The following MICAL2 variants were observed in gnomAD, a reference collection of about 807,000 sequenced individuals.
The protein encoded by MICAL2 is microtubule associated monooxygenase, calponin and LIM domain containing 2.
In MICAL2, 77 loss-of-function variants were observed where a neutral mutation model predicts 127.3. The ratio of observed to expected loss-of-function variants is 0.60; its 90% confidence interval spans 0.50 to 0.73. The LOEUF (loss-of-function observed/expected upper bound fraction) is 0.73, where lower values mean the gene tolerates loss of function less well. MICAL2 is among the 30% of genes least tolerant of loss of function. The pLI is 0.00. For missense variants in MICAL2, 1,351 were observed against 1,434.4 expected (o/e 0.94, Z 0.94); for synonymous variants, 570 against 551.1 (o/e 1.03, Z -0.48).
intron 3 of MICAL2, among the ~76,000 whole-genome samples, chr11:12,203,821 C>T (rs984076160): frequency 2.6e-5 from 4 of 152,136 alleles, no homozygotes; most frequent in Non-Finnish European, 1.5e-5. Flanking sequence ...ATATCTAAGA[C>T]ACTATTACCT....
At chr11:12,311,293 CTG>C (rs113678951) in intron 29 of MICAL2, among the ~76,000 whole-genome samples, 258 of 152,170 alleles carry the variant, frequency 1.7e-3, no homozygotes, top group African/African-American at 5.9e-3. Context: ...TTATGTATCA[CTG>C]TATTGAATTT....
At chr11:12,288,152 C>A (rs1457732408), downstream of MICAL2, among the ~76,000 whole-genome samples, 3 of 152,320 alleles carry the variant, frequency 2.0e-5, no homozygotes, top group Non-Finnish European at 2.9e-5. Flanking sequence ...CTTGGGCAGG[C>A]CACTTCATCT....
chr11:12,181,364 G>A (rs7926135), intron 3 of MICAL2, among the ~76,000 whole-genome samples: 3,376 of 152,272 alleles, frequency 0.022, 140 homozygotes, highest in African/African-American at 0.077. Context: ...AGAAATTCTC[G>A]ATTAAAGTCC....
chr11:12,336,457 C>T (rs1590743169), intron 32 of MICAL2, among the ~76,000 whole-genome samples: 1 of 152,162 alleles, frequency 6.6e-6, no homozygotes, highest in South Asian at 2.1e-4. Flanking sequence ...CTTCTCCTGC[C>T]TGATTGCCCT....
chr11:12,329,397 A>G (rs1262942300), intron 32 of MICAL2, among the ~76,000 whole-genome samples: 2 of 152,160 alleles, frequency 1.3e-5, no homozygotes, highest in Admixed American at 6.5e-5. Context: ...CAGTGAGAGC[A>G]TTAGAAAAGA....
chr11:12,198,784 A>G (rs1338033351), intron 3 of MICAL2, among the ~76,000 whole-genome samples: 1 of 152,188 alleles, frequency 6.6e-6, no homozygotes, highest in Non-Finnish European at 1.5e-5. Flanking sequence ...TCCAAGCCCA[A>G]ACTCCCACTG....
At chr11:12,281,814 G>C (rs562588959) in intron 2 of MICAL2, among the ~76,000 whole-genome samples, 23 of 152,198 alleles carry the variant, frequency 1.5e-4, no homozygotes, top group Non-Finnish European at 2.9e-4. Context: ...AGAGGTAGCT[G>C]TCTTTAGCAG....
intron 26 of MICAL2, chr11:12,262,172 T>C (rs1214455775): frequency 7.9e-7 from 1 of 1,263,198 alleles, no homozygotes; most frequent in Non-Finnish European, 1.0e-6. Context: ...TGAATGCCTC[T>C]AGGCCTCCGC....
chr11:12,233,527 G>A (rs1037321599), intron 15 of MICAL2, among the ~76,000 whole-genome samples: 4 of 152,174 alleles, frequency 2.6e-5, no homozygotes, highest in African/African-American at 9.7e-5. Flanking sequence ...ATTAACTCGG[G>A]CAGTATGGGA....
downstream of MICAL2, among the ~76,000 whole-genome samples, chr11:12,296,000 C>T (rs1397594220): frequency 1.3e-5 from 2 of 151,926 alleles, no homozygotes; most frequent in Non-Finnish European, 2.9e-5. Context: ...ATAATTTAAA[C>T]CTGATTAAAA....
intron 7 of MICAL2, 37 bp downstream of exon 7, chr11:12,213,447 C>A: frequency 1.3e-6 from 2 of 1,596,240 alleles, no homozygotes; most frequent in South Asian, 1.1e-5. Flanking sequence ...AGGCCAAGGT[C>A]TAAAGTTTGC....
At chr11:12,261,432 G>C in intron 26 of MICAL2, 1 of 985,424 alleles carries the variant, frequency 1.0e-6, no homozygotes, top group Middle Eastern at 5.2e-4. Context: ...TCTTACTCTG[G>C]GTATCTAGAA....
chr11:12,289,552 T>C (rs1481715925), downstream of MICAL2, among the ~76,000 whole-genome samples: 1 of 75,956 alleles, frequency 1.3e-5, no homozygotes, highest in Non-Finnish European at 3.2e-5. Context: ...ACTGGGCACC[T>C]CTTGTTTTTT....
chr11:12,145,535 G>A (rs533602543), intron 2 of MICAL2, among the ~76,000 whole-genome samples: 40 of 152,274 alleles, frequency 2.6e-4, no homozygotes, highest in African/African-American at 9.1e-4. Flanking sequence ...CTGGCCCAAT[G>A]TCCTATGCTT....
intron 1 of MICAL2, among the ~76,000 whole-genome samples, chr11:12,128,704 G>A (rs950183374): frequency 1.3e-5 from 2 of 152,198 alleles, no homozygotes; most frequent in African/African-American, 4.8e-5. Flanking sequence ...GAGCCTTTCA[G>A]CCACCCTCTC....
chr11:12,285,392 T>C (rs1863813870), intron 2 of MICAL2, among the ~76,000 whole-genome samples: 2 of 152,188 alleles, frequency 1.3e-5, no homozygotes, highest in South Asian at 4.1e-4. Context: ...TGCGGCTAAT[T>C]TGTTAGTCCT....
intron 1 of MICAL2, among the ~76,000 whole-genome samples, chr11:12,115,966 C>T (rs1485442009): frequency 3.3e-5 from 5 of 151,502 alleles, no homozygotes; most frequent in Admixed American, 1.3e-4. Context: ...AAATACTACC[C>T]TCTTTCCCTT....
At chr11:12,191,495 CA>C (rs1859111176) in intron 3 of MICAL2, among the ~76,000 whole-genome samples, 1 of 150,660 alleles carries the variant, frequency 6.6e-6, no homozygotes, top group Admixed American at 6.6e-5. Context: ...AAATGTAGGC[CA>C]GATGCACCTG....
intron 3 of MICAL2, among the ~76,000 whole-genome samples, chr11:12,167,770 C>T (rs1464594330): frequency 6.6e-6 from 1 of 152,138 alleles, no homozygotes; most frequent in Non-Finnish European, 1.5e-5. Flanking sequence ...CCTGGATTGC[C>T]AGTCGGGTTG....
Sources: gnomAD v4.1 joint callset for allele counts (sites outside exome capture counted in the v4.1 genomes callset) on GRCh38, gnomAD v4.1.1 for gene constraint, MANE v1.5 for transcripts, NCBI Gene and HGNC (gene_info 2026-07-23, HGNC 2026-07-21) for gene names.